The following SRP19 variants were observed in gnomAD, a reference collection of about 807,000 sequenced individuals.
SRP19 encodes signal recognition particle 19 kDa protein.
A neutral mutation model predicts 22.4 loss-of-function variants in SRP19; 11 were observed. That is an observed-to-expected ratio of 0.49 (90% CI 0.31 to 0.81). SRP19 has a LOEUF of 0.81. Among genes scored for constraint, SRP19 ranks in the 40% least tolerant of loss-of-function variants. SRP19 has a pLI of 0.05. For missense variants in SRP19, 168 were observed against 175.9 expected, an observed-to-expected ratio of 0.96 and a Z score of 0.25; for synonymous variants, 61 against 57.6, an observed-to-expected ratio of 1.06 and a Z score of -0.27.
At chr5:112,866,124 T>C (rs1767597056) in intron 4 of SRP19, among the ~76,000 whole-genome samples, 1 of 151,854 alleles carries the variant, frequency 6.6e-6, no homozygotes, top group South Asian at 2.1e-4. Context: ...TTCTTTTTTT[T>C]TTTTTTTCTG....
intron 4 of SRP19, chr5:112,886,923 TG>T: frequency 1.1e-6 from 1 of 913,576 alleles, no homozygotes. Context: ...TGAGGGGTGG[TG>T]ATAAGACAAG....
At chr5:112,879,930 T>A (rs1474378259) in intron 4 of SRP19, among the ~76,000 whole-genome samples, 2 of 151,956 alleles carry the variant, frequency 1.3e-5, no homozygotes, top group African/African-American at 2.4e-5. Context: ...ACCTCTATTT[T>A]AAAAAAATTT....
intron 4 of SRP19, chr5:112,876,501 G>T (rs184745431): frequency 2.6e-5 from 4 of 152,304 alleles, no homozygotes; most frequent in Admixed American, 1.3e-4. Flanking sequence ...GTGAGTAGAG[G>T]AGTCTTCCCG....
intron 4 of SRP19, among the ~76,000 whole-genome samples, chr5:112,883,251 A>T (rs918450196): frequency 6.6e-6 from 1 of 152,174 alleles, no homozygotes; most frequent in African/African-American, 2.4e-5. Flanking sequence ...CTTTTCTCTC[A>T]TTCTCTCAAA....
exon 5 of SRP19, chr5:112,891,840 G>T: frequency 6.4e-7 from 1 of 1,559,888 alleles, no homozygotes; most frequent in East Asian, 2.2e-5. Context: ...AAGAAGAGAA[G>T]CTATTGGAAA....
At chr5:112,884,254 C>T (rs920089719) in intron 4 of SRP19, among the ~76,000 whole-genome samples, 1 of 152,182 alleles carries the variant, frequency 6.6e-6, no homozygotes, top group Non-Finnish European at 1.5e-5. Context: ...AGCCTCCATT[C>T]GCAACTTCTT....
Position 112,861,368 on chromosome 5 carries a change from C to CT in SRP19, c.-7dup. ...CTGCGGCTCCTGGGTTGTTGAGACT[C>CT]TTGTGAAGATGGCTTGCGCTGCCGC... On this transcript the variant is annotated 5_prime_UTR_variant, in exon 1 of 5. Transcript: ENST00000505459. 1 of 1,614,194 alleles carries CT rather than the reference C, an allele frequency of 6.2e-7. No individual in the cohort carries two copies. Among genetic ancestry groups the CT allele is most frequent in the Non-Finnish European group, 8.5e-7 (1 of 1,180,040 alleles).
At chr5:112,893,862 C>G (rs1346933175), downstream of SRP19, 1 of 152,258 alleles carries the variant, frequency 6.6e-6, no homozygotes, top group Non-Finnish European at 1.5e-5. Flanking sequence ...CCCAGCAACT[C>G]TGCTCTAGCA....
intron 4 of SRP19, among the ~76,000 whole-genome samples, chr5:112,879,516 C>T (rs1158206395): frequency 1.3e-5 from 2 of 152,152 alleles, no homozygotes; most frequent in South Asian, 2.1e-4. Flanking sequence ...CTCTGTCACC[C>T]AGCCTGGAGT....
intron 4 of SRP19, among the ~76,000 whole-genome samples, chr5:112,883,736 C>CA (rs1396754889): frequency 6.6e-6 from 1 of 152,172 alleles, no homozygotes; most frequent in Admixed American, 6.6e-5. Flanking sequence ...ATCTAACAAA[C>CA]AGACACCTCA....
chr5:112,885,039 A>C (rs916179960), intron 4 of SRP19: 1 of 152,482 alleles, frequency 6.6e-6, no homozygotes, highest in Non-Finnish European at 1.5e-5. Flanking sequence ...CATAACAAAA[A>C]CTGAACAGCA....
exon 5 of SRP19, chr5:112,892,324 A>G: frequency 4.3e-6 from 7 of 1,614,162 alleles, no homozygotes; most frequent in Admixed American, 1.7e-5. Context: ...CCCTGACGCA[A>G]GCCTGGAGTA....
At chr5:112,893,010 G>C in exon 5 of SRP19, 1 of 1,564,590 alleles carries the variant, frequency 6.4e-7, no homozygotes, top group Admixed American at 1.7e-5. Flanking sequence ...GTTCCTCTAG[G>C]TGCCGAAGTC....
chr5:112,862,233 C>T, intron 1 of SRP19: 1 of 489,908 alleles, frequency 2.0e-6, no homozygotes, highest in Non-Finnish European at 3.7e-6. Context: ...ACCCTCTAGA[C>T]GTTTCCCATT....
At chr5:112,877,839 A>AAATC (rs1435448342) in intron 4 of SRP19, 1 of 152,224 alleles carries the variant, frequency 6.6e-6, no homozygotes, top group South Asian at 2.1e-4. Flanking sequence ...AAAGAAGACT[A>AAATC]AATCAACATG....
At chr5:112,882,031 G>A (rs1217675386) in intron 4 of SRP19, 1 of 152,718 alleles carries the variant, frequency 6.5e-6, no homozygotes, top group Non-Finnish European at 1.5e-5. Context: ...CTTGACCTCT[G>A]GAAGTGCTGT....
At chr5:112,891,635 G>T (rs1475223044) in exon 5 of SRP19, 2 of 1,598,984 alleles carry the variant, frequency 1.3e-6, no homozygotes, top group Non-Finnish European at 1.7e-6. Context: ...GGCGGTGCTG[G>T]CAAGATGGCT....
chr5:112,861,723 T>C (rs531657263), intron 1 of SRP19, among the ~76,000 whole-genome samples: 1 of 152,354 alleles, frequency 6.6e-6, no homozygotes, highest in South Asian at 2.1e-4. Flanking sequence ...AGAAATGTGT[T>C]CTTTTTAAGT....
At chr5:112,878,674 A>C (rs578022613) in intron 4 of SRP19, 1 of 1,465,852 alleles carries the variant, frequency 6.8e-7, no homozygotes, top group African/African-American at 1.4e-5. Flanking sequence ...TTAATATCTC[A>C]AAAATGTTTC....
Sources: allele counts gnomAD v4.1 joint callset (sites outside exome capture counted in the v4.1 genomes callset), GRCh38; gene constraint gnomAD v4.1.1; transcripts MANE v1.5; gene names NCBI Gene and HGNC (gene_info 2026-07-23, HGNC 2026-07-21).